The following PSD3 variants were observed in gnomAD, a reference collection of about 807,000 sequenced individuals.
PSD3 encodes pleckstrin and Sec7 domain containing 3, also known as PH and SEC7 domain-containing protein 3.
A neutral mutation model predicts 105.5 loss-of-function variants in PSD3; 49 were observed. The observed-to-expected ratio is 0.46, with a 90% CI of 0.37 to 0.59. The LOEUF is 0.59. Among genes scored for constraint, PSD3 ranks in the 20% least tolerant of loss-of-function variants. The pLI, the probability that PSD3 is intolerant of heterozygous loss-of-function variation, is 0.00. For synonymous variants in PSD3, 557 were observed against 457.8 expected (o/e 1.22, Z -2.77); for missense variants, 1,561 against 1,263.8 (o/e 1.24, Z -3.57).
intron 2 of PSD3, among the ~76,000 whole-genome samples, chr8:18,912,346 T>C (rs140399204): frequency 2.6e-5 from 4 of 152,268 alleles, no homozygotes; most frequent in Admixed American, 1.3e-4. Flanking sequence ...CGCTTCACAA[T>C]GTTAACCGCT....
intron 9 of PSD3, among the ~76,000 whole-genome samples, chr8:18,749,160 G>A (rs1207458445): frequency 2.0e-5 from 3 of 152,148 alleles, no homozygotes; most frequent in Non-Finnish European, 4.4e-5. Flanking sequence ...TTAGGAGCCT[G>A]AATAACTCTG....
chr8:19,053,162 A>G (rs1001590161), intron 1 of PSD3, among the ~76,000 whole-genome samples: 1 of 152,060 alleles, frequency 6.6e-6, no homozygotes, highest in South Asian at 2.1e-4. Context: ...AGAAATCCCA[A>G]GTGTTAAAGT....
intron 9 of PSD3, among the ~76,000 whole-genome samples, chr8:18,673,921 T>G (rs1799928711): frequency 6.6e-6 from 1 of 152,086 alleles, no homozygotes; most frequent in African/African-American, 2.4e-5. Flanking sequence ...GCAGGAGGAT[T>G]GCTTGAGCCC....
chr8:18,601,306 GA>G (rs1804424187), intron 11 of PSD3, among the ~76,000 whole-genome samples: 1 of 152,102 alleles, frequency 6.6e-6, no homozygotes, highest in Non-Finnish European at 1.5e-5. Context: ...TCTATAACTG[GA>G]AAATGTTATT....
chr8:18,738,915 G>A (rs1402259619), intron 9 of PSD3, among the ~76,000 whole-genome samples: 1 of 151,100 alleles, frequency 6.6e-6, no homozygotes, highest in Non-Finnish European at 1.5e-5. Flanking sequence ...TTTTTGTTCT[G>A]AAATGTACCT....
intron 10 of PSD3, among the ~76,000 whole-genome samples, chr8:18,635,123 C>G (rs983225650): frequency 6.6e-6 from 1 of 152,062 alleles, no homozygotes; most frequent in African/African-American, 2.4e-5. Flanking sequence ...GCAGCTTTGG[C>G]CATTGGGAGT....
chr8:18,905,013 T>C (rs962542236), intron 2 of PSD3, among the ~76,000 whole-genome samples: 2 of 152,200 alleles, frequency 1.3e-5, no homozygotes, highest in Admixed American at 1.3e-4. Context: ...TCTTTTAAAA[T>C]ATAGCAAATA....
intron 4 of PSD3, among the ~76,000 whole-genome samples, chr8:18,810,378 G>A (rs1198490607): frequency 6.6e-6 from 1 of 152,074 alleles, no homozygotes; most frequent in Non-Finnish European, 1.5e-5. Flanking sequence ...CCAATTCACT[G>A]TAGCTAATCC....
At chr8:18,660,438 C>T (rs1401468735) in intron 9 of PSD3, among the ~76,000 whole-genome samples, 1 of 152,188 alleles carries the variant, frequency 6.6e-6, no homozygotes, top group Non-Finnish European at 1.5e-5. Context: ...TTTGTTTCAG[C>T]AGCCCGAGGA....
At chr8:18,777,772 A>G (rs1808237092) in intron 8 of PSD3, among the ~76,000 whole-genome samples, 1 of 152,070 alleles carries the variant, frequency 6.6e-6, no homozygotes, top group Non-Finnish European at 1.5e-5. Flanking sequence ...TTCTAACTAT[A>G]TGTTTCCATT....
intron 9 of PSD3, among the ~76,000 whole-genome samples, chr8:18,664,501 A>T (rs1238936108): frequency 1.3e-5 from 2 of 152,218 alleles, no homozygotes; most frequent in Admixed American, 6.5e-5. Flanking sequence ...GTTTGAAGGT[A>T]ACAGATGTCG....
chr8:18,620,692 T>G (rs908651740), intron 11 of PSD3, among the ~76,000 whole-genome samples: 1 of 152,044 alleles, frequency 6.6e-6, no homozygotes, highest in Non-Finnish European at 1.5e-5. Flanking sequence ...CCTGGGTGAG[T>G]GAGCAAGGAC....
chr8:18,601,239 C>T, intron 11 of PSD3, among the ~76,000 whole-genome samples: 1 of 152,106 alleles, frequency 6.6e-6, no homozygotes, highest in Admixed American at 6.5e-5. Context: ...TGTTCTAAAG[C>T]AAAAAGCAAT....
intron 9 of PSD3, among the ~76,000 whole-genome samples, chr8:18,761,122 G>A (rs116683800): frequency 3.2e-4 from 49 of 152,248 alleles, no homozygotes; most frequent in African/African-American, 1.2e-3. Context: ...CAAATCAAAC[G>A]TCAGGTTTAA....
intron 7 of PSD3, among the ~76,000 whole-genome samples, chr8:18,799,708 T>C (rs1372271509): frequency 2.6e-5 from 4 of 152,160 alleles, no homozygotes; most frequent in Admixed American, 6.5e-5. Flanking sequence ...AGACAAGCAT[T>C]GCTTACAATG....
intron 9 of PSD3, among the ~76,000 whole-genome samples, chr8:18,743,959 T>C (rs868400740): frequency 7.3e-4 from 101 of 138,864 alleles, no homozygotes; most frequent in African/African-American, 2.7e-3. Context: ...ACTCTGTCTC[T>C]CACCACCACC....
At chr8:19,031,798 T>C (rs1336136707) in intron 1 of PSD3, among the ~76,000 whole-genome samples, 1 of 152,172 alleles carries the variant, frequency 6.6e-6, no homozygotes, top group Non-Finnish European at 1.5e-5. Flanking sequence ...GCAAAACACT[T>C]AGTCTCATAG....
In PSD3 at chr8:18,575,205, C is replaced by T; in HGVS notation, c.2562G>A (p.Lys854=). The T allele has an allele frequency of 1.2e-6, 2 of 1,613,934 alleles. No individual in the cohort carries two copies. The highest frequency in any genetic ancestry group is 2.2e-5 in the South Asian group (2 of 91,062). The change falls in exon 13 of 16, where the codon AAG becomes AAA. Residue 854 remains lysine, a synonymous_variant. Coordinates refer to ENST00000327040, the MANE Select transcript of PSD3 (RefSeq NM_015310.4). ...AVSVHHALAS[K]ATDYEKKPNV... ...TTGGTTTCTTCTCATAGTCCGTGGCCTTGGATGCCAATGCGTGGTGCACAC... is the reference window on the plus strand; with the variant it reads ...TTGGTTTCTTCTCATAGTCCGTGGCTTTGGATGCCAATGCGTGGTGCACAC...
At chr8:18,742,187 A>G (rs887734868) in intron 9 of PSD3, among the ~76,000 whole-genome samples, 1 of 152,208 alleles carries the variant, frequency 6.6e-6, no homozygotes, top group Non-Finnish European at 1.5e-5. Context: ...TCATCTTCCT[A>G]TTTCCTTGCA....
Sources: gnomAD v4.1 joint callset for allele counts (sites outside exome capture counted in the v4.1 genomes callset) on GRCh38, gnomAD v4.1.1 for gene constraint, MANE v1.5 for transcripts, NCBI Gene and HGNC (gene_info 2026-07-23, HGNC 2026-07-21) for gene names.